The following ATP12A variants were observed in gnomAD, a reference collection of about 807,000 sequenced individuals.
ATP12A encodes ATPase H+/K+ transporting non-gastric alpha2 subunit.
In ATP12A, 81 loss-of-function variants were observed where a neutral mutation model predicts 111.2. That is an observed-to-expected ratio of 0.73 (90% CI 0.61 to 0.88). The LOEUF (loss-of-function observed/expected upper bound fraction) is 0.88. Ranked by LOEUF, ATP12A falls within the 40% of genes least tolerant of loss-of-function variation. The probability of loss-of-function intolerance (pLI) is 0.00; values close to 1 mark genes in which losing one functional copy is unlikely to be tolerated. For missense variants in ATP12A, 1,196 were observed against 1,313.1 expected, an observed-to-expected ratio of 0.91 and a Z score of 1.38; for synonymous variants, 498 against 499.8, an observed-to-expected ratio of 1.00 and a Z score of 0.05.
At chr13:24,691,870 G>T (rs1365777467) in intron 8 of ATP12A, among the ~76,000 whole-genome samples, 1 of 152,212 alleles carries the variant, frequency 6.6e-6, no homozygotes, top group Non-Finnish European at 1.5e-5. Context: ...GAAAAGAGAA[G>T]AAGTTTTTGA....
At chr13:24,691,673 A>C in intron 8 of ATP12A, among the ~76,000 whole-genome samples, 1 of 150,620 alleles carries the variant, frequency 6.6e-6, no homozygotes, top group Non-Finnish European at 1.5e-5. Context: ...CCTGCCGAGG[A>C]CTCCAGCCCT....
intron 8 of ATP12A, 83 bp from the exon 9 acceptor site, chr13:24,692,346 C>T (rs1398089933): frequency 7.8e-6 from 11 of 1,410,160 alleles, no homozygotes; most frequent in Non-Finnish European, 1.1e-5. Context: ...AATTCAATCA[C>T]AGCTCACATT....
intron 3 of ATP12A, 133 bp from the exon 4 acceptor site, chr13:24,688,186 T>C (rs764728104): frequency 5.1e-6 from 5 of 974,390 alleles, no homozygotes; most frequent in Non-Finnish European, 7.5e-6. Context: ...GGTCTGCTTT[T>C]CTCGGGACCT....
Position 24,680,437 on chromosome 13 carries a change from T to C in ATP12A, c.-307T>C. ...ATCCTGGACTCTCCCGACCCCTAGCTGTCGGTCCCCCTCCCTGCGCGCGCG... is the reference window on the plus strand; with the variant it reads ...ATCCTGGACTCTCCCGACCCCTAGCCGTCGGTCCCCCTCCCTGCGCGCGCG... On this transcript the variant is annotated 5_prime_UTR_variant, in exon 1 of 23. Coordinates refer to ENST00000381946, the MANE Select transcript of ATP12A (RefSeq NM_001676.7). 2.5e-6 allele frequency: 1 copy of C among 402,952 alleles called. No individual in the cohort carries two copies. Among genetic ancestry groups the C allele is most frequent in the Non-Finnish European group, 4.4e-6 (1 of 225,584 alleles). The allele number at this position is 402,952 out of a possible 1,614,324, so 25.0% of individuals were successfully genotyped here.
chr13:24,692,656 C>T (rs746224374), intron 9 of ATP12A, 29 bp downstream of exon 9: 1 of 1,603,916 alleles, frequency 6.2e-7, no homozygotes, highest in African/African-American at 1.3e-5. Flanking sequence ...TCGGTCTGGC[C>T]AAAGCTGTGG....
chr13:24,681,616 A>G lies in ATP12A; in HGVS notation c.64A>G (p.Thr22Ala). 1 of 1,614,208 alleles carries G rather than the reference A, an allele frequency of 6.2e-7. No homozygotes were observed. Among genetic ancestry groups the G allele is most frequent in the Non-Finnish European group, 8.5e-7 (1 of 1,180,044 alleles). Residue 22 changes from threonine to alanine, a missense_variant, in exon 2 of 23, where the codon ACA (threonine) becomes GCA (alanine). Physicochemically the swap from Thr to Ala is moderately conservative, Grantham distance 58. This residue lies in a region of ATP12A where 67 missense variants were observed against 64.0 expected (regional missense o/e 1.05). Coordinates refer to ENST00000381946, the MANE Select transcript of ATP12A (RefSeq NM_001676.7). The part of the protein sequence containing the change: ...ELSGTKDIVK[T>A]DKGDGKEKYR... ...CAGCGGAACTAAGGACATCGTGAAA[A>G]CAGACAAGGGGGATGGCAAGGAGAA...
chr13:24,689,458 G>A (rs550294954), intron 5 of ATP12A, 83 bp downstream of exon 5: 51 of 1,218,752 alleles, frequency 4.2e-5, no homozygotes, highest in Middle Eastern at 5.2e-4. Flanking sequence ...GGGCCCTGAG[G>A]GCTACGGGTT....
intron 12 of ATP12A, among the ~76,000 whole-genome samples, chr13:24,699,275 C>A (rs1393284431): frequency 6.6e-6 from 1 of 152,150 alleles, no homozygotes; most frequent in Non-Finnish European, 1.5e-5. Flanking sequence ...AGGTCTTGAA[C>A]ATCTGGGTGA....
Position 24,702,009 on chromosome 13 carries a change from C to A in ATP12A, c.1956C>A (p.Asn652Lys). ...AGAGTGTGGGGATCATTTCAGCCAACAGTGAAACAGTGGAAGACATTGCAC... is the reference window on the plus strand; with the variant it reads ...AGAGTGTGGGGATCATTTCAGCCAAAAGTGAAACAGTGGAAGACATTGCAC... ...IAKSVGIISANSETVEDIAHR... is the reference protein window; with the variant it reads ...IAKSVGIISAKSETVEDIAHR... Residue 652 changes from asparagine to lysine, a missense_variant, in exon 14 of 23, where the codon AAC becomes AAA. Coordinates refer to ENST00000381946, the MANE Select transcript of ATP12A (RefSeq NM_001676.7). 1 of 1,614,208 alleles carries A rather than the reference C, an allele frequency of 6.2e-7. No individual in the cohort carries two copies. The highest frequency in any genetic ancestry group is 8.5e-7 in the Non-Finnish European group (1 of 1,180,048).
intron 2 of ATP12A, among the ~76,000 whole-genome samples, chr13:24,682,617 T>G (rs1874523983): frequency 6.6e-6 from 1 of 152,190 alleles, no homozygotes; most frequent in South Asian, 2.1e-4. Flanking sequence ...TTAGTAAAAC[T>G]ATTTGAGCTG....
intron 17 of ATP12A, among the ~76,000 whole-genome samples, chr13:24,708,892 GAAAGAAAGGAAAGAAA>G (rs1566078195): frequency 3.0e-4 from 38 of 125,568 alleles, no homozygotes; most frequent in African/African-American, 1.2e-3. Context: ...GAAAGAGAAA[GAAAGAAAGGAAAGAAA>G]GAAAGAAAGA....
rs902548316 is a variant in ATP12A, at chr13:24,710,529, C to A, written c.2833C>A (p.Gln945Lys). ...TTTCTTTGTTGGCATCCTAGTCCAGCAAATAGCAGATCTGATCATCAGGAA... is the reference window on the plus strand; with the variant it reads ...TTTCTTTGTTGGCATCCTAGTCCAGAAAATAGCAGATCTGATCATCAGGAA... ...TAFFVGILVQ[Q>K]IADLIIRKTR... The change falls in exon 20 of 23, where the codon CAA (glutamine) becomes AAA (lysine). Residue 945 changes from glutamine (Q) to lysine (K), a missense_variant. By Grantham distance (53) the Gln-to-Lys change is moderately conservative. Around this residue, in one of 3 missense-constraint regions of ATP12A, gnomAD observed 1,126 missense variants for 1,228.5 expected, o/e 0.92. Coordinates refer to ENST00000381946, the MANE Select transcript of ATP12A (RefSeq NM_001676.7). 21 of 1,614,220 alleles carry A rather than the reference C, an allele frequency of 1.3e-5. No individual in the cohort carries two copies. Among genetic ancestry groups the A allele is most frequent in the Non-Finnish European group, 1.8e-5 (21 of 1,180,042 alleles).
intron 14 of ATP12A, among the ~76,000 whole-genome samples, chr13:24,705,205 C>T (rs1021034661): frequency 6.6e-5 from 10 of 152,180 alleles, no homozygotes; most frequent in African/African-American, 2.2e-4. Flanking sequence ...GTGTTAGCCA[C>T]GAGAAGCTGA....
intron 17 of ATP12A, among the ~76,000 whole-genome samples, chr13:24,708,938 A>AAAGAAAGAAAGG (rs1566078273): frequency 7.3e-5 from 9 of 123,416 alleles, no homozygotes; most frequent in Non-Finnish European, 1.9e-5. Context: ...AGAAAGAAAG[A>AAAGAAAGAAAGG]AAGAAAGAAA....
chr13:24,710,326 A>G lies in ATP12A; in HGVS notation c.2764-134A>G, dbSNP rs1037638754. On this transcript the variant is annotated intron_variant, in intron 19 of 22. Transcript: ENST00000381946. The stretch of plus-strand genomic sequence containing the variant: ...TCAAGAAAGAAAAATGTTTCTTTCC[A>G]AACACTAGAAGGTGGTCCATTCTCA... The G allele has an allele frequency of 4.6e-6, 5 of 1,097,246 alleles. No homozygotes were observed. The African/African-American group carries it at 7.9e-5, about 17-fold the overall frequency. 68.0% of individuals were successfully genotyped at this position (1,097,246 alleles called of 1,614,324 possible).
rs1274799585 is a variant in ATP12A, at chr13:24,693,034, G to C, written c.1377+138G>C. 4 of 736,312 alleles carry C rather than the reference G, an allele frequency of 5.4e-6. No homozygotes were observed. In the African/African-American group the frequency reaches 7.1e-5, roughly 13 times the overall value. 45.6% of individuals were successfully genotyped at this position (736,312 alleles called of 1,614,324 possible). On this transcript the variant is annotated intron_variant, in intron 10 of 22. Transcript: ENST00000381946. ...TTGCAAGAGCAAGTCAGACTCACAA[G>C]ACATCCAGAAATTTTTCTTTATGCA...
rs923552558 is a variant in ATP12A, at chr13:24,700,597, AT to A, written c.1706-148del. 4.7e-6 allele frequency: 3 copies of A among 636,896 alleles called. No individual in the cohort carries two copies. The African/African-American group carries it at 5.5e-5, about 12-fold the overall frequency. The allele number at this position is 636,896 out of a possible 1,614,324, so 39.5% of individuals were successfully genotyped here. ...AAATATGTCTTTCCTAAAAAAATGC[AT>A]TATGGAGTTGAAGAAATTAAACAAT... On this transcript the variant is annotated intron_variant, in intron 12 of 22. Coordinates refer to ENST00000381946, the MANE Select transcript of ATP12A (RefSeq NM_001676.7).
rs1874854940 is a variant in ATP12A, at chr13:24,690,654, T to G, written c.732T>G (p.Ser244=). 1.2e-6 allele frequency: 2 copies of G among 1,614,004 alleles called. No individual in the cohort carries two copies. The highest frequency in any genetic ancestry group is 4.5e-5 in the East Asian group (2 of 44,884). ...AGTCTGAGCCCCAGCCCCGCTCCTCTGAGTTTACCCATGAAAACCCCCTGG... is the reference window on the plus strand; with the variant it reads ...AGTCTGAGCCCCAGCCCCGCTCCTCGGAGTTTACCCATGAAAACCCCCTGG... The part of the protein sequence containing the change: ...TGESEPQPRS[S]EFTHENPLET... Residue 244 remains serine, a synonymous_variant, in exon 7 of 23, where the codon TCT becomes TCG. Transcript: ENST00000381946.
At position 24,692,714 on chromosome 13, in the gene ATP12A, A is replaced by G. The variant is rs902997931; in HGVS notation, c.1268-73A>G. On this transcript the variant is annotated intron_variant, in intron 9 of 22. Transcript: ENST00000381946. Reference sequence around the variant, plus strand: ...AGCACACAGCAGGGTCTGCAGCCAGAGGATTGCTGGACAGTGACTCATGGA... The same window carrying G: ...AGCACACAGCAGGGTCTGCAGCCAGGGGATTGCTGGACAGTGACTCATGGA... 24 of 1,598,400 alleles carry G rather than the reference A, an allele frequency of 1.5e-5. No homozygotes were observed. In the African/African-American group the frequency reaches 3.1e-4, roughly 21 times the overall value.
Sources: allele counts gnomAD v4.1 joint callset (sites outside exome capture counted in the v4.1 genomes callset), GRCh38; gene constraint gnomAD v4.1.1; regional missense constraint gnomAD v4.1.1; transcripts MANE v1.5; gene names NCBI Gene and HGNC (gene_info 2026-07-23, HGNC 2026-07-21).